Variants in EML2 observed in about 807,000 individuals in gnomAD.
EML2 encodes the protein EMAP like 2.
In EML2, 59 loss-of-function variants were observed where a neutral mutation model predicts 84.7. The observed-to-expected ratio is 0.70, with a 90% CI of 0.56 to 0.86. The LOEUF is 0.86. Ranked by LOEUF, EML2 falls within the 40% of genes least tolerant of loss-of-function variation. EML2 has a pLI of 0.00. For synonymous variants in EML2, 352 were observed against 348.9 expected (o/e 1.01, Z -0.10); for missense variants, 818 against 855.6 (o/e 0.96, Z 0.55).
upstream of EML2, among the ~76,000 whole-genome samples, chr19:45,644,348 T>C (rs1284265511): frequency 6.6e-6 from 1 of 152,134 alleles, no homozygotes; most frequent in Non-Finnish European, 1.5e-5. Context: ...TCAACAGGAA[T>C]GGCCACCCTG....
chr19:45,634,013 C>A (rs931501416), intron 4 of EML2, among the ~76,000 whole-genome samples: 1 of 152,040 alleles, frequency 6.6e-6, no homozygotes, highest in Non-Finnish European at 1.5e-5. Context: ...TGTGGTGGCT[C>A]AGTCACTGCA....
intron 12 of EML2, among the ~76,000 whole-genome samples, chr19:45,618,027 G>C (rs1568441788): frequency 6.6e-6 from 1 of 152,048 alleles, no homozygotes; most frequent in African/African-American, 2.4e-5. Context: ...AGGGCATCTA[G>C]AATTTTAAGA....
intron 7 of EML2, 21 bp downstream of exon 7, chr19:45,629,930 G>A: frequency 6.3e-7 from 1 of 1,588,948 alleles, no homozygotes; most frequent in Middle Eastern, 1.7e-4. Context: ...CAGCAGGAGG[G>A]GATGAGAAAA....
Position 45,619,105 on chromosome 19 carries a change from T to C in EML2, c.1209A>G (p.Leu403=), listed in dbSNP as rs1971411054. 1.9e-6 allele frequency: 3 copies of C among 1,613,500 alleles called. No individual in the cohort carries two copies. Among genetic ancestry groups the C allele is most frequent in the Non-Finnish European group, 1.7e-6 (2 of 1,179,866 alleles). Residue 403 remains leucine, a synonymous_variant, in exon 12 of 19, where the codon CTA becomes CTG. Coordinates refer to ENST00000245925, the MANE Select transcript of EML2 (RefSeq NM_012155.4). ...GGGGCTGGTGGGAATCTGAGCTCCA[T>C]AGATGCACCAGCTTATCCTGCCCGC... ...VTCGQDKLVH[L]WSSDSHQPLW... is the part of the protein sequence containing the mutation.
At chr19:45,630,172 G>A (rs1446591441) in intron 6 of EML2, 126 bp from the exon 7 acceptor site, 1 of 677,992 alleles carries the variant, frequency 1.5e-6, no homozygotes, top group Admixed American at 2.2e-5. Flanking sequence ...ACAGTAGGTG[G>A]GAGGATCGCT....
At position 45,638,587 on chromosome 19, in the gene EML2, T is replaced by C. The variant is rs12151009; in HGVS notation, c.97A>G (p.Met33Val). ...GTGGGTGCCAGCTCGTCTGGGATCA[T>C]CATGGGCACAGGGCGGCCCCTCAGG... Reference protein sequence around the residue: ...MFLRGRPVPMMIPDELAPTYS... With the variant: ...MFLRGRPVPMVIPDELAPTYS... The change falls in exon 3 of 19, where the codon ATG (methionine) becomes GTG (valine). Residue 33 changes from methionine to valine, a missense_variant. Met to Val is a conservative substitution (Grantham distance 21). Transcript: ENST00000245925. 0.12 allele frequency: 192,647 copies of C among 1,614,004 alleles called. 12,131 individuals carry two copies. Among genetic ancestry groups the C allele is most frequent in the Admixed American group, 0.14 (8,347 of 60,010 alleles).
upstream of EML2, chr19:45,642,394 C>G: frequency 2.6e-6 from 4 of 1,518,988 alleles, no homozygotes; most frequent in Non-Finnish European, 3.5e-6. Flanking sequence ...CACCCAGGAG[C>G]TCCAGTGCCC....
chr19:45,642,547 C>A (rs1195388638), upstream of EML2: 1 of 1,394,978 alleles, frequency 7.2e-7, no homozygotes, highest in Non-Finnish European at 9.3e-7. Flanking sequence ...AGCTCTCCAA[C>A]CCATCCGCAC....
intron 8 of EML2, among the ~76,000 whole-genome samples, 197 bp from the exon 9 acceptor site, chr19:45,625,015 A>G (rs1972137914): frequency 6.6e-6 from 1 of 152,062 alleles, no homozygotes; most frequent in African/African-American, 2.4e-5. Flanking sequence ...GGTTCTGACC[A>G]CAATTGTCTT....
chr19:45,639,017 G>A (rs796347371), intron 1 of EML2, 144 bp from the exon 2 acceptor site: 1 of 980,306 alleles, frequency 1.0e-6, no homozygotes, highest in Non-Finnish European at 1.7e-6. Context: ...CCTCTCTGCA[G>A]GCCGTGTGCT....
chr19:45,636,847 C>T (rs527553469), intron 3 of EML2, among the ~76,000 whole-genome samples: 5 of 152,292 alleles, frequency 3.3e-5, no homozygotes, highest in African/African-American at 4.8e-5. Flanking sequence ...CTGTAGTGGC[C>T]GAGGCAGAAG....
intron 7 of EML2, among the ~76,000 whole-genome samples, chr19:45,628,295 G>A (rs534325626): frequency 1.3e-5 from 2 of 151,750 alleles, no homozygotes; most frequent in African/African-American, 4.8e-5. Context: ...TTGAACCCAG[G>A]TGGTGGAGGT....
rs116848857 is a variant in EML2 at position 45,638,333 on chromosome 19, T to A, written c.179+172A>T. 1.3e-3 allele frequency among the ~76,000 whole-genome samples: 204 copies of A among 152,316 alleles called. 2 individuals are homozygous for A. The East Asian group carries it at 0.036, about 27-fold the overall frequency. On this transcript the variant is annotated intron_variant, in intron 3 of 18. Coordinates refer to ENST00000245925, the MANE Select transcript of EML2 (RefSeq NM_012155.4). ...ATGCACCAATCCCACTCTGGCCACA[T>A]AGCCCTTGAACGTGCTGTGCTTGTT...
At chr19:45,633,646 G>A (rs1973348050) in intron 4 of EML2, among the ~76,000 whole-genome samples, 1 of 152,102 alleles carries the variant, frequency 6.6e-6, no homozygotes, top group Admixed American at 6.6e-5. Flanking sequence ...GACTGAGGCA[G>A]GAGAATCGCT....
intron 1 of EML2, chr19:45,639,118 T>C (rs761827741): frequency 2.9e-6 from 2 of 677,976 alleles, no homozygotes; most frequent in African/African-American, 3.6e-5. Flanking sequence ...AGGGACGCGA[T>C]CCTGGAAGAA....
At chr19:45,641,644 T>G, upstream of EML2, 23 of 1,536,128 alleles carry the variant, frequency 1.5e-5, no homozygotes, top group Non-Finnish European at 2.0e-5. Context: ...TCCTTACCCT[T>G]CCTTTTTGGC....
intron 4 of EML2, 46 bp from the exon 5 acceptor site, chr19:45,633,185 G>T: frequency 1.3e-6 from 2 of 1,564,404 alleles, no homozygotes; most frequent in Non-Finnish European, 1.7e-6. Flanking sequence ...TGGGAGAGAA[G>T]AGGCTCACAG....
Position 45,638,608 on chromosome 19 carries a change from T to C in EML2, c.76A>G (p.Arg26Gly). The part of the protein sequence containing the change: ...VEDGSVKMFL[R>G]GRPVPMMIPD... ...ATCATCATGGGCACAGGGCGGCCCCTCAGGAACATTTTCACGGAGCCATCC... is the reference window on the plus strand; with the variant it reads ...ATCATCATGGGCACAGGGCGGCCCCCCAGGAACATTTTCACGGAGCCATCC... Residue 26 changes from arginine to glycine, a missense_variant, in exon 3 of 19, where the codon AGG (arginine) becomes GGG (glycine). Transcript: ENST00000245925. 1 of 1,613,928 alleles carries C rather than the reference T, an allele frequency of 6.2e-7. No individual in the cohort carries two copies. The highest frequency in any genetic ancestry group is 1.1e-5 in the South Asian group (1 of 91,078).
At chr19:45,620,437 A>T (rs1028441876) in intron 11 of EML2, among the ~76,000 whole-genome samples, 3 of 151,750 alleles carry the variant, frequency 2.0e-5, no homozygotes, top group African/African-American at 7.3e-5. Context: ...GGCTGGGTGC[A>T]GTGGTTCATG....
Sources: allele counts gnomAD v4.1 joint callset (sites outside exome capture counted in the v4.1 genomes callset), GRCh38; gene constraint gnomAD v4.1.1; transcripts MANE v1.5; gene names NCBI Gene and HGNC (gene_info 2026-07-23, HGNC 2026-07-21).